Variants in NAA38 observed in about 807,000 individuals in gnomAD.
NAA38 encodes the protein LSM domain containing 1.
NAA38 carries 15 observed loss-of-function variants against 12.6 expected under a neutral mutation model. That is an observed-to-expected ratio of 1.19 (90% CI 0.79 to 1.83). The LOEUF is 1.83. Among genes scored for constraint, NAA38 ranks in the 40% most tolerant of loss-of-function variants. The pLI, the probability that NAA38 is intolerant of heterozygous loss-of-function variation, is 0.00. For synonymous variants in NAA38, 88 were observed against 69.9 expected (o/e 1.26, Z -1.29); for missense variants, 183 against 171.7 (o/e 1.07, Z -0.37).
upstream of NAA38, chr17:7,859,118 C>T (rs1362795572): frequency 1.7e-6 from 1 of 573,776 alleles, no homozygotes; most frequent in Non-Finnish European, 3.1e-6. Context: ...AGCAATTGGA[C>T]TTTCTTTTTA....
intron 2 of NAA38, among the ~76,000 whole-genome samples, chr17:7,877,860 C>T (rs1967202752): frequency 6.6e-6 from 1 of 152,078 alleles, no homozygotes; most frequent in African/African-American, 2.4e-5. Flanking sequence ...TGACTTAAAA[C>T]TCATGTAGTA....
In NAA38 at chr17:7,879,090, A is replaced by C. The variant is rs144532727; in HGVS notation, c.-66+4145T>G. Among the ~76,000 whole-genome samples the C allele has an allele frequency of 1.4e-4, 21 of 152,224 alleles. 1 individual carries two copies. The highest frequency in any genetic ancestry group is 5.1e-4 in the African/African-American group (21 of 41,558). On this transcript the variant is annotated intron_variant, in intron 2 of 4. Transcript: ENST00000576861. ...CTCAGAATAAAGGACAGACTTTTCC[A>C]GTAAAGGACATGTGGCAACCTTTCT...
rs757081757 is a variant in NAA38 at position 7,857,269 on chromosome 17, C to G, written c.82-71G>C. On this transcript the variant is annotated intron_variant, in intron 1 of 2. Coordinates refer to ENST00000575771, the MANE Select transcript of NAA38 (RefSeq NM_001320925.4). ...CCGCCCGCGGAACCACAGCTCCCGGCAGCCCGCGGGGCACTCACACAAAGC... is the reference window on the plus strand; with the variant it reads ...CCGCCCGCGGAACCACAGCTCCCGGGAGCCCGCGGGGCACTCACACAAAGC... The G allele has an allele frequency of 5.6e-6, 9 of 1,609,686 alleles. No individual in the cohort carries two copies. The Admixed American group carries it at 1.5e-4, about 27-fold the overall frequency.
chr17:7,883,868 T>TG (rs1967379314), intron 1 of NAA38, among the ~76,000 whole-genome samples: 2 of 148,252 alleles, frequency 1.3e-5, no homozygotes, highest in African/African-American at 5.0e-5. Flanking sequence ...AGAAGGGAGG[T>TG]GGGGAGGAAG....
At chr17:7,881,597 A>G (rs935736408) in intron 2 of NAA38, among the ~76,000 whole-genome samples, 4 of 151,678 alleles carry the variant, frequency 2.6e-5, no homozygotes, top group Non-Finnish European at 2.9e-5. Context: ...AAAAGCTGGT[A>G]AGTATGAAGA....
chr17:7,874,562 C>T (rs904476673), intron 2 of NAA38, among the ~76,000 whole-genome samples: 1 of 152,042 alleles, frequency 6.6e-6, no homozygotes, highest in African/African-American at 2.4e-5. Context: ...GCTTCTTACA[C>T]AAGATGAGGG....
chr17:7,859,453 C>T (rs771407560), upstream of NAA38: 1 of 1,614,090 alleles, frequency 6.2e-7, no homozygotes, highest in Non-Finnish European at 8.5e-7. Context: ...CTGCCAGCTA[C>T]ACGTGGAAAT....
chr17:7,859,963 A>C (rs1230964595), upstream of NAA38: 8 of 242,474 alleles, frequency 3.3e-5, no homozygotes, highest in Non-Finnish European at 5.7e-5. Flanking sequence ...CAATGATGGA[A>C]ATGAGATGTC....
intron 2 of NAA38, among the ~76,000 whole-genome samples, chr17:7,880,718 G>C (rs2151393066): frequency 6.6e-6 from 1 of 152,282 alleles, no homozygotes; most frequent in Non-Finnish European, 1.5e-5. Flanking sequence ...TATTTATAGG[G>C]TACTTTTTAG....
upstream of NAA38, chr17:7,859,385 G>T: frequency 6.2e-7 from 1 of 1,613,156 alleles, no homozygotes; most frequent in Non-Finnish European, 8.5e-7. Flanking sequence ...TCTCCAGGTG[G>T]GGGTTCTGGA....
In NAA38 at chr17:7,856,685, T is replaced by C. The variant is rs1289350038; in HGVS notation, c.*46A>G. On this transcript the variant is annotated 3_prime_UTR_variant, in exon 3 of 3. Coordinates refer to ENST00000575771, the MANE Select transcript of NAA38 (RefSeq NM_001320925.4). Reference sequence around the variant, plus strand: ...CCAGCTACACACAGACACAGGCCCATTCGGTCATAAGTTTAATGAAGTCTG... The same window carrying C: ...CCAGCTACACACAGACACAGGCCCACTCGGTCATAAGTTTAATGAAGTCTG... The C allele has an allele frequency of 5.4e-6, 8 of 1,491,878 alleles. No individual in the cohort carries two copies. Among genetic ancestry groups the C allele is most frequent in the Non-Finnish European group, 7.5e-6 (8 of 1,070,522 alleles). 92.4% of individuals were successfully genotyped at this position (1,491,878 alleles called of 1,614,324 possible).
At chr17:7,862,020 T>C (rs549870669), upstream of NAA38, 11 of 152,374 alleles carry the variant, frequency 7.2e-5, no homozygotes, top group African/African-American at 2.4e-4. Context: ...CCTTTCACTT[T>C]CCACCTAGCT....
intron 1 of NAA38, chr17:7,884,928 A>G: frequency 7.3e-7 from 1 of 1,370,294 alleles, no homozygotes; most frequent in South Asian, 1.5e-5. Context: ...GCGGCCGACG[A>G]GGACGATGAG....
chr17:7,871,091 T>G (rs1373898033), intron 2 of NAA38, among the ~76,000 whole-genome samples: 3 of 152,156 alleles, frequency 2.0e-5, no homozygotes, highest in Non-Finnish European at 4.4e-5. Flanking sequence ...AGAAACAAAT[T>G]CATTATGGCC....
At chr17:7,858,794 C>T (rs1419798856), upstream of NAA38, 2 of 1,569,560 alleles carry the variant, frequency 1.3e-6, no homozygotes, top group Non-Finnish European at 1.7e-6. Flanking sequence ...GCATCATTAA[C>T]ACGCTCACGT....
rs1476315958 is a variant in NAA38, at chr17:7,884,446, T to TTATATATATA, written c.-167+709_-167+718dup. 3.9e-5 allele frequency among the ~76,000 whole-genome samples: 4 copies of TTATATATATA among 102,290 alleles called. No individual in the cohort carries two copies. In the East Asian group the frequency reaches 1.8e-3, roughly 46 times the overall value. The allele number at this position is 102,290 out of a possible 152,430, so 67.1% of individuals were successfully genotyped here. A position where few individuals can be genotyped will look rare whatever the true frequency, so the allele number is the denominator to read the frequency against. On this transcript the variant is annotated intron_variant, in intron 1 of 4. Coordinates refer to the NAA38 transcript ENST00000576861. Reference sequence around the variant, plus strand: ...GGGGGCAGAGAGAAGTCGAAAACTTTTATATATATACATATATATATATAT... The same window carrying TTATATATATA: ...GGGGGCAGAGAGAAGTCGAAAACTTTTATATATATATATATATATACATATATATATATAT...
At chr17:7,881,378 T>C (rs1967269744) in intron 2 of NAA38, among the ~76,000 whole-genome samples, 1 of 150,970 alleles carries the variant, frequency 6.6e-6, no homozygotes, top group East Asian at 2.0e-4. Context: ...ACTGGGAAAA[T>C]GGCAAAAAGA....
In NAA38 at chr17:7,857,007, G is replaced by A; in HGVS notation, c.265+8C>T. The A allele has an allele frequency of 1.2e-6, 2 of 1,601,764 alleles. No homozygotes were observed. Among genetic ancestry groups the A allele is most frequent in the Non-Finnish European group, 1.7e-6 (2 of 1,171,420 alleles). ...TACCAGGCGGGTGTGCATTCCCCGG[G>A]CACTGACCCGACGGCTTGAGGAACT... On this transcript the variant is annotated splice_region_variant and intron_variant, in intron 2 of 2. Coordinates refer to ENST00000575771, the MANE Select transcript of NAA38 (RefSeq NM_001320925.4).
chr17:7,883,593 G>GT (rs1192440467), intron 1 of NAA38, among the ~76,000 whole-genome samples: 1 of 151,834 alleles, frequency 6.6e-6, no homozygotes, highest in Non-Finnish European at 1.5e-5. Flanking sequence ...CTCAATCATC[G>GT]TATCTATTCA....
Sources: gnomAD v4.1 joint callset for allele counts (sites outside exome capture counted in the v4.1 genomes callset) on GRCh38, gnomAD v4.1.1 for gene constraint, MANE v1.5 for transcripts, NCBI Gene and HGNC (gene_info 2026-07-23, HGNC 2026-07-21) for gene names.